The following SLC44A5 variants were observed in gnomAD, a reference collection of about 807,000 sequenced individuals.
SLC44A5 encodes choline transporter-like protein 5.
SLC44A5 carries 57 observed loss-of-function variants against 101.8 expected under a neutral mutation model. The ratio of observed to expected loss-of-function variants is 0.56; its 90% CI spans 0.45 to 0.70. SLC44A5 has a LOEUF of 0.70. SLC44A5 is among the 30% of genes least tolerant of loss of function. The pLI is 0.00. For synonymous variants in SLC44A5, 281 were observed against 290.9 expected (o/e 0.97, Z 0.35); for missense variants, 737 against 853.1 (o/e 0.86, Z 1.70).
intron 19 of SLC44A5, 116 bp downstream of exon 19, chr1:75,215,638 C>A (rs1646945540): frequency 3.2e-6 from 2 of 625,290 alleles, no homozygotes; most frequent in South Asian, 4.1e-5. Flanking sequence ...GGCCTTATAT[C>A]AGCATAGTGA....
At position 75,353,830 on chromosome 1, in the gene SLC44A5, G is replaced by A. The variant is rs904622852; in HGVS notation, c.53-14200C>T. On this transcript the variant is annotated intron_variant, in intron 3 of 23. Transcript: ENST00000370859. ...CTTCTAAGCAATTTCTAGTCACTTG[G>A]TTGCTTCAGTTATATTTCTGCCAGT... Among the ~76,000 whole-genome samples the A allele has an allele frequency of 4.6e-5, 7 of 152,308 alleles. No homozygotes were observed. In the East Asian group the frequency reaches 1.3e-3, roughly 29 times the overall value.
chr1:75,203,619 C>A lies in SLC44A5; in HGVS notation c.*108G>T. 7.6e-7 allele frequency: 1 copy of A among 1,321,556 alleles called. No homozygotes were observed. Among genetic ancestry groups the A allele is most frequent in the Non-Finnish European group, 1.0e-6 (1 of 991,722 alleles). 81.9% of individuals were successfully genotyped at this position (1,321,556 alleles called of 1,614,324 possible). The stretch of plus-strand genomic sequence containing the variant: ...ACATGCAAATGCAAGCCAACAAGGT[C>A]GTGAATACAGTGTTGCTAAACACAA... On this transcript the variant is annotated 3_prime_UTR_variant, in exon 24 of 24. Transcript: ENST00000370859.
chr1:75,344,934 C>T (rs1323323442), intron 3 of SLC44A5, among the ~76,000 whole-genome samples: 1 of 152,056 alleles, frequency 6.6e-6, no homozygotes, highest in Non-Finnish European at 1.5e-5. Flanking sequence ...GAAATGAGAT[C>T]TTGGTTATTT....
intron 3 of SLC44A5, among the ~76,000 whole-genome samples, chr1:75,367,166 A>T (rs577481284): frequency 6.6e-6 from 1 of 152,318 alleles, no homozygotes; most frequent in Admixed American, 6.5e-5. Context: ...CAGTCTTTAC[A>T]ACCACTTTCA....
At chr1:75,302,165 G>A (rs187156099) in intron 4 of SLC44A5, among the ~76,000 whole-genome samples, 3 of 97,834 alleles carry the variant, frequency 3.1e-5, no homozygotes, top group South Asian at 3.5e-4. Flanking sequence ...GCAAAAACAC[G>A]CTTGGGTGTG....
chr1:75,659,476 G>A, the SLC44A5 span, among the ~76,000 whole-genome samples: 1 of 72,100 alleles, frequency 1.4e-5, no homozygotes, highest in African/African-American at 6.2e-5. Context: ...AAGGAAGGAA[G>A]GAAGGAAGGA....
chr1:75,707,361 G>C, the SLC44A5 span, among the ~76,000 whole-genome samples: 2 of 152,176 alleles, frequency 1.3e-5, no homozygotes, highest in African/African-American at 4.8e-5. Context: ...AACACAACCT[G>C]TAGGTAATTC....
the SLC44A5 span, chr1:75,642,115 T>C: frequency 1.7e-4 from 185 of 1,082,200 alleles, no homozygotes; most frequent in Non-Finnish European, 2.3e-4. Context: ...GTAGATATAA[T>C]TGAAGTGATA....
At chr1:75,446,187 C>T (rs1305477975) in intron 2 of SLC44A5, among the ~76,000 whole-genome samples, 1 of 152,180 alleles carries the variant, frequency 6.6e-6, no homozygotes, top group African/African-American at 2.4e-5. Context: ...GTCACATAGT[C>T]TCTTGTTCAA....
At chr1:75,492,336 A>G (rs192029861) in intron 2 of SLC44A5, among the ~76,000 whole-genome samples, 78 of 152,274 alleles carry the variant, frequency 5.1e-4, no homozygotes, top group Non-Finnish European at 8.2e-4. Context: ...TAACAGAAAC[A>G]TTTTCTGAGA....
the SLC44A5 span, among the ~76,000 whole-genome samples, chr1:75,716,956 C>G: frequency 6.6e-6 from 1 of 151,828 alleles, no homozygotes; most frequent in Non-Finnish European, 1.5e-5. Context: ...ATCGTTTGAA[C>G]CCGGGAGGCA....
chr1:75,430,856 G>A (rs905303262), intron 2 of SLC44A5, among the ~76,000 whole-genome samples: 1 of 152,128 alleles, frequency 6.6e-6, no homozygotes. Flanking sequence ...CAGGCCTCTG[G>A]GCTCCAACCA....
chr1:75,677,469 A>G, the SLC44A5 span, among the ~76,000 whole-genome samples: 1 of 152,328 alleles, frequency 6.6e-6, no homozygotes, highest in South Asian at 2.1e-4. Flanking sequence ...ATTTAAAAAC[A>G]TAAAACAGAT....
At chr1:75,492,416 C>G in intron 2 of SLC44A5, among the ~76,000 whole-genome samples, 1 of 151,902 alleles carries the variant, frequency 6.6e-6, no homozygotes, top group East Asian at 1.9e-4. Flanking sequence ...GTGGCTATGA[C>G]AATATCTGGC....
rs181889772 is a variant in SLC44A5, at chr1:75,315,249, A to G, written c.102-14564T>C. On this transcript the variant is annotated intron_variant, in intron 4 of 23. Transcript: ENST00000370859. ...ATGGATTGGATTATAAATTATTACCATCATTATTTATACATCTATATACAA... is the reference window on the plus strand; with the variant it reads ...ATGGATTGGATTATAAATTATTACCGTCATTATTTATACATCTATATACAA... 6.9e-3 allele frequency among the ~76,000 whole-genome samples: 1,050 copies of G among 152,318 alleles called. 16 individuals are homozygous for G. Among genetic ancestry groups the G allele is most frequent in the African/African-American group, 0.024 (990 of 41,572 alleles).
chr1:75,215,927 T>C, intron 18 of SLC44A5, 70 bp from the exon 19 acceptor site: 1 of 820,982 alleles, frequency 1.2e-6, no homozygotes, highest in Non-Finnish European at 2.0e-6. Context: ...ATAAATATAA[T>C]ACAACATTTA....
At chr1:75,277,053 G>T (rs901405128) in intron 5 of SLC44A5, among the ~76,000 whole-genome samples, 21 of 152,270 alleles carry the variant, frequency 1.4e-4, no homozygotes, top group African/African-American at 4.8e-4. Flanking sequence ...TTTACTAAAT[G>T]ATCATGATGT....
intron 23 of SLC44A5, chr1:75,204,766 G>T (rs962231666): frequency 6.6e-6 from 1 of 152,168 alleles, no homozygotes; most frequent in East Asian, 1.9e-4. Context: ...GGGATTACAG[G>T]CGTGAGACAC....
At chr1:75,478,347 A>T (rs1292285672) in intron 2 of SLC44A5, among the ~76,000 whole-genome samples, 1 of 152,242 alleles carries the variant, frequency 6.6e-6, no homozygotes. Flanking sequence ...GCATGAACTA[A>T]CGAGCAAAAT....
Sources: allele counts gnomAD v4.1 joint callset (sites outside exome capture counted in the v4.1 genomes callset), GRCh38; gene constraint gnomAD v4.1.1; transcripts MANE v1.5; gene names NCBI Gene and HGNC (gene_info 2026-07-23, HGNC 2026-07-21).